The following TBC1D14 variants were observed in gnomAD, a reference collection of about 807,000 sequenced individuals.
The protein encoded by TBC1D14 is TBC1 domain family, member 14.
TBC1D14 carries 26 observed loss-of-function variants against 79.0 expected under a neutral mutation model. The ratio of observed to expected loss-of-function variants is 0.33; its 90% confidence interval spans 0.24 to 0.46. The LOEUF is 0.46. Ranked by LOEUF, TBC1D14 falls within the 20% of genes least tolerant of loss-of-function variation. The pLI, the probability that TBC1D14 is intolerant of heterozygous loss-of-function variation, is 1.00. For synonymous variants in TBC1D14, 394 were observed against 349.9 expected, an observed-to-expected ratio of 1.13 and a Z score of -1.40; for missense variants, 769 against 887.6, an observed-to-expected ratio of 0.87 and a Z score of 1.70.
intron 3 of TBC1D14, among the ~76,000 whole-genome samples, chr4:6,986,081 C>G (rs1456060943): frequency 6.6e-6 from 1 of 152,218 alleles, no homozygotes; most frequent in Non-Finnish European, 1.5e-5. Context: ...CCCAGGCAAA[C>G]ATGAATTTGC....
chr4:7,010,311 TTA>T (rs1382688722), intron 10 of TBC1D14, among the ~76,000 whole-genome samples: 1 of 152,224 alleles, frequency 6.6e-6, no homozygotes, highest in East Asian at 1.9e-4. Flanking sequence ...TGGTTTGATA[TTA>T]AGCTTATTGA....
intron 2 of TBC1D14, among the ~76,000 whole-genome samples, chr4:6,954,757 C>T (rs896089020): frequency 3.9e-5 from 6 of 152,198 alleles, no homozygotes; most frequent in African/African-American, 7.2e-5. Flanking sequence ...TGTGCCACGA[C>T]GCCTGGCTAA....
chr4:6,926,514 C>T (rs1263887246), intron 2 of TBC1D14, among the ~76,000 whole-genome samples: 3 of 152,210 alleles, frequency 2.0e-5, no homozygotes, highest in Non-Finnish European at 2.9e-5. Context: ...TCCTTATCCT[C>T]GTTGTGATGG....
Position 7,005,046 on chromosome 4 carries a change from C to A in TBC1D14, c.1351+122C>A, listed in dbSNP as rs866309722. The A allele has an allele frequency of 1.2e-5, 11 of 910,150 alleles. No individual in the cohort carries two copies. The Middle Eastern group carries it at 1.7e-3, about 139-fold the overall frequency. The allele number at this position is 910,150 out of a possible 1,614,324, so 56.4% of individuals were successfully genotyped here. ...ATTGTTGTGGAGTCATAAAAAGCTC[C>A]ACGAGAAAAGGGTTTTTTTTGTTTT... On this transcript the variant is annotated intron_variant, in intron 8 of 13. Coordinates refer to ENST00000409757, the MANE Select transcript of TBC1D14 (RefSeq NM_020773.3).
At chr4:7,002,578 T>A (rs956790224) in intron 7 of TBC1D14, among the ~76,000 whole-genome samples, 22 of 152,234 alleles carry the variant, frequency 1.4e-4, no homozygotes, top group Non-Finnish European at 3.1e-4. Context: ...GTACATTGTG[T>A]CTGTCTTGTA....
At chr4:6,930,175 G>C (rs1490273822) in intron 2 of TBC1D14, among the ~76,000 whole-genome samples, 4 of 152,220 alleles carry the variant, frequency 2.6e-5, no homozygotes, top group African/African-American at 9.6e-5. Context: ...GGGTCTAGCT[G>C]GGTGGCGTCT....
chr4:6,919,369 C>T (rs1210375617), intron 1 of TBC1D14, among the ~76,000 whole-genome samples: 2 of 152,016 alleles, frequency 1.3e-5, no homozygotes, highest in Non-Finnish European at 2.9e-5. Context: ...TGGTCTTGAA[C>T]TCCTGACCTC....
At chr4:6,984,156 G>A (rs1218897777) in intron 3 of TBC1D14, among the ~76,000 whole-genome samples, 1 of 152,222 alleles carries the variant, frequency 6.6e-6, no homozygotes, top group Non-Finnish European at 1.5e-5. Flanking sequence ...TTTGGGATTA[G>A]AAAGCTGGAA....
intron 6 of TBC1D14, 54 bp from the exon 7 acceptor site, chr4:7,001,091 G>A: frequency 6.6e-7 from 1 of 1,519,858 alleles, no homozygotes; most frequent in Non-Finnish European, 9.1e-7. Flanking sequence ...CACGCAGGTA[G>A]ACAAATGTCT....
intron 3 of TBC1D14, among the ~76,000 whole-genome samples, chr4:6,991,919 C>T (rs1718544197): frequency 6.6e-6 from 1 of 152,188 alleles, no homozygotes; most frequent in African/African-American, 2.4e-5. Flanking sequence ...CTTTTACTTC[C>T]TTTTACTCCT....
chr4:6,958,140 T>A (rs1714825386), intron 2 of TBC1D14, among the ~76,000 whole-genome samples: 1 of 152,192 alleles, frequency 6.6e-6, no homozygotes, highest in South Asian at 2.1e-4. Context: ...ACTCAGCAGC[T>A]GAACACAGCG....
intron 2 of TBC1D14, among the ~76,000 whole-genome samples, chr4:6,945,992 C>G (rs958269282): frequency 2.6e-5 from 4 of 152,122 alleles, no homozygotes; most frequent in African/African-American, 9.7e-5. Context: ...CCGGGTGACT[C>G]TAGCACGCAG....
chr4:6,973,775 T>C (rs1473709061), intron 3 of TBC1D14, among the ~76,000 whole-genome samples: 1 of 152,184 alleles, frequency 6.6e-6, no homozygotes, highest in Non-Finnish European at 1.5e-5. Flanking sequence ...AATGGGTCTC[T>C]AACACTTAGA....
rs368239185 is a variant in TBC1D14 at position 6,999,240 on chromosome 4, A to T, written c.1163+38A>T. 1.9e-6 allele frequency: 3 copies of T among 1,550,474 alleles called. No homozygotes were observed. The East Asian group carries it at 6.7e-5, about 35-fold the overall frequency. On this transcript the variant is annotated intron_variant, in intron 6 of 13. Transcript: ENST00000409757. ...TCTGGGTGTGGCTGAACTGCAGAGCATGTCTTTCTAGAATCTGTGGGCCAC... is the reference window on the plus strand; with the variant it reads ...TCTGGGTGTGGCTGAACTGCAGAGCTTGTCTTTCTAGAATCTGTGGGCCAC...
chr4:7,000,267 A>G (rs532382347), intron 6 of TBC1D14, among the ~76,000 whole-genome samples: 1 of 151,976 alleles, frequency 6.6e-6, no homozygotes, highest in East Asian at 1.9e-4. Context: ...TGTGGTCTGA[A>G]TGCATTGCAT....
chr4:6,987,242 C>T (rs972661927), intron 3 of TBC1D14: 6 of 1,261,860 alleles, frequency 4.8e-6, no homozygotes, highest in Admixed American at 4.3e-5. Context: ...GAGGAGCCGC[C>T]GCGTCCGCCC....
At chr4:6,947,293 C>T (rs577717160) in intron 2 of TBC1D14, among the ~76,000 whole-genome samples, 8 of 152,200 alleles carry the variant, frequency 5.3e-5, no homozygotes, top group Admixed American at 2.6e-4. Flanking sequence ...GTCAGGAGAT[C>T]GAGACCATCC....
chr4:6,933,516 G>T (rs2108953909), intron 2 of TBC1D14, among the ~76,000 whole-genome samples: 1 of 151,820 alleles, frequency 6.6e-6, no homozygotes, highest in Non-Finnish European at 1.5e-5. Flanking sequence ...TTGTTGCCCA[G>T]GCTGGTCTCG....
At chr4:6,927,453 A>G (rs1440964066) in intron 2 of TBC1D14, among the ~76,000 whole-genome samples, 1 of 152,164 alleles carries the variant, frequency 6.6e-6, no homozygotes, top group Non-Finnish European at 1.5e-5. Context: ...TTAGAGATCA[A>G]ATAGAGCATT....
Sources: allele counts gnomAD v4.1 joint callset (sites outside exome capture counted in the v4.1 genomes callset), GRCh38; gene constraint gnomAD v4.1.1; transcripts MANE v1.5; gene names NCBI Gene and HGNC (gene_info 2026-07-23, HGNC 2026-07-21).